The following CREB3L2 variants were observed in gnomAD, a reference collection of about 807,000 sequenced individuals.
The protein encoded by CREB3L2 is cAMP responsive element binding protein 3 like 2, also known as cyclic AMP-responsive element-binding protein 3-like protein 2.
Under a neutral mutation model 57.2 loss-of-function variants are expected in CREB3L2, and 23 were observed. The ratio of observed to expected loss-of-function variants is 0.40; its 90% confidence interval spans 0.29 to 0.57. The LOEUF (loss-of-function observed/expected upper bound fraction) is 0.57. CREB3L2 is among the 20% of genes least tolerant of loss of function. The pLI, the probability that CREB3L2 is intolerant of heterozygous loss-of-function variation, is 0.42. For synonymous variants in CREB3L2, 268 were observed against 265.1 expected (o/e 1.01, Z -0.11); for missense variants, 628 against 634.7 (o/e 0.99, Z 0.11).
intron 8 of CREB3L2, among the ~76,000 whole-genome samples, chr7:137,898,369 A>C (rs748259992): frequency 7.2e-5 from 11 of 152,226 alleles, no homozygotes; most frequent in Non-Finnish European, 5.9e-5. Flanking sequence ...CAAAATATTA[A>C]AAATAGAACT....
chr7:137,895,490 C>T (rs1799610431), intron 8 of CREB3L2, among the ~76,000 whole-genome samples: 1 of 152,176 alleles, frequency 6.6e-6, no homozygotes, highest in African/African-American at 2.4e-5. Context: ...GCTCTGTTCC[C>T]AGAGTCTCCC....
At chr7:137,972,684 CAAAAAA>C (rs58627909) in intron 1 of CREB3L2, among the ~76,000 whole-genome samples, 8 of 9,656 alleles carry the variant, frequency 8.3e-4, no homozygotes, top group African/African-American at 1.9e-3. Flanking sequence ...CCCGTCTCTA[CAAAAAA>C]AAAAAAAAAA....
At chr7:137,902,584 GA>G (rs1687519484) in intron 7 of CREB3L2, among the ~76,000 whole-genome samples, 1 of 152,138 alleles carries the variant, frequency 6.6e-6, no homozygotes, top group East Asian at 1.9e-4. Flanking sequence ...ATTCAGGGGG[GA>G]TTAGTTCCAG....
chr7:137,961,058 G>T (rs180681903), intron 1 of CREB3L2, among the ~76,000 whole-genome samples: 3 of 151,594 alleles, frequency 2.0e-5, no homozygotes, highest in African/African-American at 7.3e-5. Context: ...AGCCACCTTG[G>T]CCTCCCAAGA....
rs190485594 is a variant in CREB3L2, at chr7:137,946,714, T to C, written c.103-18348A>G. 2.7e-3 allele frequency among the ~76,000 whole-genome samples: 385 copies of C among 145,068 alleles called. 1 individual carries two copies. Among genetic ancestry groups the C allele is most frequent in the African/African-American group, 6.4e-3 (251 of 39,052 alleles). On this transcript the variant is annotated intron_variant, in intron 1 of 11. Coordinates refer to ENST00000330387, the MANE Select transcript of CREB3L2 (RefSeq NM_194071.4). ...AAGGCTGTCCATACATTTTTATATA[T>C]AGTTATATATATATAGTTTTATATA...
In CREB3L2 at chr7:137,891,454, T is replaced by C. The variant is rs17169448; in HGVS notation, c.1044-5952A>G. On this transcript the variant is annotated intron_variant, in intron 8 of 11. Coordinates refer to ENST00000330387, the MANE Select transcript of CREB3L2 (RefSeq NM_194071.4). ...CATACAGTTATTGAATGTTGGACTT[T>C]GAACATTCAGGAACCTAATTTCCCA... is the stretch of plus-strand genomic sequence containing the variant. 7.6e-3 allele frequency among the ~76,000 whole-genome samples: 1,163 copies of C among 152,304 alleles called. 15 individuals are homozygous for C. Among genetic ancestry groups the C allele is most frequent in the African/African-American group, 0.026 (1,101 of 41,556 alleles).
At chr7:137,943,898 A>G (rs1411088145) in intron 1 of CREB3L2, among the ~76,000 whole-genome samples, 1 of 152,198 alleles carries the variant, frequency 6.6e-6, no homozygotes, top group Admixed American at 6.5e-5. Flanking sequence ...CAAAATGTAG[A>G]TTCAACTAAG....
At chr7:137,935,567 T>G (rs935842160) in intron 1 of CREB3L2, among the ~76,000 whole-genome samples, 1 of 152,200 alleles carries the variant, frequency 6.6e-6, no homozygotes, top group Non-Finnish European at 1.5e-5. Context: ...ATCTTATCAC[T>G]AGGCCTTCCA....
At chr7:137,926,260 T>C (rs1375732871) in intron 2 of CREB3L2, among the ~76,000 whole-genome samples, 4 of 152,230 alleles carry the variant, frequency 2.6e-5, no homozygotes. Context: ...TAAATCATGC[T>C]GCTATAAAGA....
rs149686543 is a variant in CREB3L2, at chr7:137,937,962, C to T, written c.103-9596G>A. Among the ~76,000 whole-genome samples, 710 of 151,182 alleles carry T rather than the reference C, an allele frequency of 4.7e-3. 8 individuals carry two copies. Among genetic ancestry groups the T allele is most frequent in the African/African-American group, 0.016 (657 of 41,152 alleles). ...ATTGAGAGATGATATTTAAAGGAAA[C>T]CTATTATAAATCCATTGGTAGGGTA... is the stretch of plus-strand genomic sequence containing the variant. On this transcript the variant is annotated intron_variant, in intron 1 of 11. Transcript: ENST00000330387.
chr7:137,984,258 A>G (rs764287934), intron 1 of CREB3L2, among the ~76,000 whole-genome samples: 4 of 152,218 alleles, frequency 2.6e-5, no homozygotes, highest in Non-Finnish European at 5.9e-5. Flanking sequence ...AATTTTATTC[A>G]GGGTGGCAAG....
intron 8 of CREB3L2, among the ~76,000 whole-genome samples, chr7:137,887,232 A>AT: frequency 6.6e-6 from 1 of 152,234 alleles, no homozygotes; most frequent in South Asian, 2.1e-4. Context: ...GGACAAGCAG[A>AT]TTTTTCCTGG....
At position 137,880,170 on chromosome 7, in the gene CREB3L2, T is replaced by A. The variant is rs987033219; in HGVS notation, c.*306A>T. The A allele has an allele frequency of 9.3e-5, 41 of 442,410 alleles. 2 individuals carry two copies. In the South Asian group the frequency reaches 1.1e-3, roughly 12 times the overall value. 27.4% of individuals were successfully genotyped at this position (442,410 alleles called of 1,614,324 possible). ...CCTCACAGGTGCACATTAGGCAATATCTTTTTGGCACTATTGGTGGAAACA... is the reference window on the plus strand; with the variant it reads ...CCTCACAGGTGCACATTAGGCAATAACTTTTTGGCACTATTGGTGGAAACA... On this transcript the variant is annotated 3_prime_UTR_variant, in exon 12 of 12. Transcript: ENST00000330387. This position sits in a 1 kb window ranked among gnomAD's most constrained non-coding sequence, Gnocchi z 4.0.
chr7:138,001,621 C>T lies in CREB3L2; in HGVS notation c.85G>A (p.Ala29Thr), dbSNP rs753343958. Residue 29 changes from alanine to threonine, a missense_variant, in exon 1 of 12, where the codon GCC (alanine) becomes ACC (threonine). Physicochemically the swap from Ala to Thr is moderately conservative, Grantham distance 58. Coordinates refer to ENST00000330387, the MANE Select transcript of CREB3L2 (RefSeq NM_194071.4). The surrounding 1 kb of genome is among the most constrained non-coding windows in gnomAD (Gnocchi z 4.2). ...GTCCTCACCGTGTGGTACATGAGGG[C>T]CTCGCCGTCCCCGGGCTCTGACAGC... The part of the protein sequence containing the change: ...SELSEPGDGE[A>T]LMYHTHFSEL... 4 of 1,613,110 alleles carry T rather than the reference C, an allele frequency of 2.5e-6. No individual in the cohort carries two copies. The South Asian group carries it at 4.4e-5, about 18-fold the overall frequency.
At position 137,879,364 on chromosome 7, in the gene CREB3L2, T is replaced by G. The variant is rs1462842893; in HGVS notation, c.*1112A>C. ...TGGAGGGAGGAGGGGGCCAGGCAGG[T>G]GTGGAAAGCCAGCAAGGTTGTCTGA... On this transcript the variant is annotated 3_prime_UTR_variant, in exon 12 of 12. Transcript: ENST00000330387. 4 of 486,008 alleles carry G rather than the reference T, an allele frequency of 8.2e-6. No individual in the cohort carries two copies. The highest frequency in any genetic ancestry group is 2.9e-5 in the Admixed American group (1 of 34,906). The allele number at this position is 486,008 out of a possible 1,614,324, so 30.1% of individuals were successfully genotyped here.
intron 2 of CREB3L2, among the ~76,000 whole-genome samples, chr7:137,922,416 GTATATA>G (rs1179011567): frequency 4.6e-4 from 8 of 17,252 alleles, no homozygotes; most frequent in African/African-American, 5.8e-4. Flanking sequence ...ATATATATAT[GTATATA>G]TATATATATA....
intron 8 of CREB3L2, among the ~76,000 whole-genome samples, chr7:137,887,177 G>A (rs6963420): frequency 0.031 from 4,716 of 152,210 alleles, 141 homozygotes; most frequent in East Asian, 0.099. Flanking sequence ...CAGATAACTT[G>A]CTTCTCACCA....
At position 137,882,913 on chromosome 7, in the gene CREB3L2, C is replaced by A. The variant is rs887338570; in HGVS notation, c.1271-285G>T. On this transcript the variant is annotated intron_variant, in intron 10 of 11. Coordinates refer to ENST00000330387, the MANE Select transcript of CREB3L2 (RefSeq NM_194071.4). The stretch of plus-strand genomic sequence containing the variant: ...CTGCTTTGAAAATATAAAACTCCCC[C>A]CTTACCACCCATAACCATCTAGGGA... Among the ~76,000 whole-genome samples the A allele has an allele frequency of 2.0e-5, 3 of 152,030 alleles. No homozygotes were observed. The South Asian group carries it at 6.2e-4, about 31-fold the overall frequency.
intron 1 of CREB3L2, among the ~76,000 whole-genome samples, chr7:137,942,133 C>T (rs1422129642): frequency 1.3e-5 from 2 of 152,210 alleles, no homozygotes; most frequent in African/African-American, 4.8e-5. Flanking sequence ...TGCTCACATC[C>T]ATAAGCTTCT....
Sources: allele counts gnomAD v4.1 joint callset (sites outside exome capture counted in the v4.1 genomes callset), GRCh38; gene constraint gnomAD v4.1.1; non-coding constraint Gnocchi (gnomAD v3.1); transcripts MANE v1.5; gene names NCBI Gene and HGNC (gene_info 2026-07-23, HGNC 2026-07-21).